The following NMNAT3 variants were observed in gnomAD, a reference collection of about 807,000 sequenced individuals.
The protein encoded by NMNAT3 is nicotinamide nucleotide adenylyltransferase 3.
NMNAT3 carries 21 observed loss-of-function variants against 24.8 expected under a neutral mutation model. The ratio of observed to expected loss-of-function variants is 0.85; its 90% CI spans 0.60 to 1.22. The LOEUF is 1.22. Among genes scored for constraint, NMNAT3 ranks in the 50% most tolerant of loss-of-function variants. NMNAT3 has a pLI of 0.00. For synonymous variants in NMNAT3, 136 were observed against 155.2 expected (o/e 0.88, Z 0.92); for missense variants, 387 against 436.6 (o/e 0.89, Z 1.01).
At chr3:139,616,278 G>C (rs1056758172) in intron 3 of NMNAT3, among the ~76,000 whole-genome samples, 3 of 152,122 alleles carry the variant, frequency 2.0e-5, no homozygotes, top group African/African-American at 4.8e-5. Flanking sequence ...TAATGCTGGG[G>C]ATCCTTCATC....
At chr3:139,590,044 G>A (rs1473059212) in intron 3 of NMNAT3, among the ~76,000 whole-genome samples, 2 of 152,172 alleles carry the variant, frequency 1.3e-5, no homozygotes, top group Non-Finnish European at 2.9e-5. Flanking sequence ...CAGTATAGTG[G>A]GTACAGAGAG....
At chr3:139,644,595 G>T (rs2056810472) in intron 1 of NMNAT3, among the ~76,000 whole-genome samples, 1 of 152,034 alleles carries the variant, frequency 6.6e-6, no homozygotes, top group African/African-American at 2.4e-5. Context: ...AAGAGCTGAG[G>T]GCAGAGTGTG....
At chr3:139,655,234 C>G (rs896384303) in intron 1 of NMNAT3, among the ~76,000 whole-genome samples, 4 of 152,170 alleles carry the variant, frequency 2.6e-5, no homozygotes, top group Admixed American at 6.5e-5. Flanking sequence ...GCCTTATGCT[C>G]TATGTTGACA....
chr3:139,611,785 A>G (rs930863215), intron 3 of NMNAT3, among the ~76,000 whole-genome samples: 31 of 152,332 alleles, frequency 2.0e-4, no homozygotes, highest in African/African-American at 6.7e-4. Flanking sequence ...GATTTGGCTG[A>G]CAGCACATCT....
chr3:139,591,614 G>A (rs1424732369), intron 3 of NMNAT3, among the ~76,000 whole-genome samples: 1 of 152,184 alleles, frequency 6.6e-6, no homozygotes, highest in Non-Finnish European at 1.5e-5. Context: ...CCACGCAGCT[G>A]GAGATCTGAG....
chr3:139,636,832 G>C (rs2056520902), intron 2 of NMNAT3: 2 of 152,188 alleles, frequency 1.3e-5, no homozygotes, highest in Non-Finnish European at 2.9e-5. Context: ...AGACCCTGCA[G>C]GCAGCAATGA....
chr3:139,611,502 A>C (rs1352912688), intron 3 of NMNAT3, among the ~76,000 whole-genome samples: 3 of 152,240 alleles, frequency 2.0e-5, no homozygotes, highest in African/African-American at 4.8e-5. Flanking sequence ...TGACACCAAA[A>C]TTTGACTCCA....
At chr3:139,669,004 G>C (rs1027728687) in intron 1 of NMNAT3, among the ~76,000 whole-genome samples, 4 of 152,298 alleles carry the variant, frequency 2.6e-5, no homozygotes, top group Non-Finnish European at 5.9e-5. Flanking sequence ...AAACCCTATT[G>C]AACTTGCTAC....
At chr3:139,594,027 G>A (rs1015692535) in intron 3 of NMNAT3, among the ~76,000 whole-genome samples, 1 of 151,834 alleles carries the variant, frequency 6.6e-6, no homozygotes, top group Non-Finnish European at 1.5e-5. Flanking sequence ...CCAGGAGCTG[G>A]TTTTTTGAAA....
At chr3:139,675,113 AC>A (rs1158771415) in intron 1 of NMNAT3, among the ~76,000 whole-genome samples, 10 of 86,646 alleles carry the variant, frequency 1.2e-4, no homozygotes, top group African/African-American at 4.4e-4. Context: ...ATCTTTCCTT[AC>A]CTTCGTATTC....
intron 3 of NMNAT3, among the ~76,000 whole-genome samples, chr3:139,605,617 C>T (rs73220963): frequency 0.025 from 3,802 of 152,236 alleles, 76 homozygotes; most frequent in Non-Finnish European, 0.035. Context: ...ATCTCAAAAG[C>T]CAATTGCCAG....
At chr3:139,674,486 G>T (rs568940375) in intron 1 of NMNAT3, among the ~76,000 whole-genome samples, 2 of 152,302 alleles carry the variant, frequency 1.3e-5, no homozygotes, top group South Asian at 4.1e-4. Flanking sequence ...TGGTGAGGAC[G>T]AGCCACTTTA....
intron 5 of NMNAT3, among the ~76,000 whole-genome samples, chr3:139,576,696 C>T (rs564244889): frequency 2.1e-4 from 32 of 152,218 alleles, no homozygotes; most frequent in African/African-American, 7.5e-4. Flanking sequence ...CTTTTAAAAG[C>T]TCCCTGGGTG....
chr3:139,674,025 G>A, intron 1 of NMNAT3, among the ~76,000 whole-genome samples: 1 of 152,092 alleles, frequency 6.6e-6, no homozygotes, highest in Admixed American at 6.5e-5. Flanking sequence ...TGGATTTAGG[G>A]GCAGCTCTGG....
chr3:139,623,014 C>T (rs889169997), intron 3 of NMNAT3, among the ~76,000 whole-genome samples: 8 of 150,852 alleles, frequency 5.3e-5, no homozygotes, highest in Admixed American at 2.6e-4. Flanking sequence ...ATTTAAACTA[C>T]GCTAAATTTT....
At chr3:139,669,950 T>C (rs1316711941) in intron 1 of NMNAT3, among the ~76,000 whole-genome samples, 5 of 152,260 alleles carry the variant, frequency 3.3e-5, no homozygotes, top group Non-Finnish European at 5.9e-5. Context: ...GGTCTTAAAC[T>C]GTACAGTTGC....
chr3:139,567,174 G>A (rs1311116308), intron 6 of NMNAT3: 1 of 152,164 alleles, frequency 6.6e-6, no homozygotes, highest in Non-Finnish European at 1.5e-5. Flanking sequence ...TGTTATTGGT[G>A]TATAAGAATG....
At chr3:139,619,018 T>C (rs924201017) in intron 3 of NMNAT3, among the ~76,000 whole-genome samples, 1 of 152,186 alleles carries the variant, frequency 6.6e-6, no homozygotes, top group Non-Finnish European at 1.5e-5. Context: ...TCTGTGCATA[T>C]ATGCTGCCTA....
At chr3:139,581,078 A>G (rs1940108858) in intron 4 of NMNAT3, among the ~76,000 whole-genome samples, 1 of 152,310 alleles carries the variant, frequency 6.6e-6, no homozygotes, top group African/African-American at 2.4e-5. Context: ...CCTAGCCAAC[A>G]TATTTAGACT....
Sources: gnomAD v4.1 joint callset for allele counts (sites outside exome capture counted in the v4.1 genomes callset) on GRCh38, gnomAD v4.1.1 for gene constraint, MANE v1.5 for transcripts, NCBI Gene and HGNC (gene_info 2026-07-23, HGNC 2026-07-21) for gene names.